Variants in CSMD1 observed in about 807,000 individuals in gnomAD.
CSMD1 encodes CUB and sushi domain-containing protein 1.
A neutral mutation model predicts 417.5 loss-of-function variants in CSMD1; 213 were observed. That is an observed-to-expected ratio of 0.51 (90% CI 0.46 to 0.57). CSMD1 has a LOEUF of 0.57. Ranked by LOEUF, CSMD1 falls within the 20% of genes least tolerant of loss-of-function variation. CSMD1 has a pLI of 0.00. For synonymous variants in CSMD1, 2,862 were observed against 1,736.8 expected (o/e 1.65, Z -16.11); for missense variants, 6,923 against 4,529.7 (o/e 1.53, Z -15.17).
chr8:4,455,235 T>C (rs1461813801), intron 2 of CSMD1, among the ~76,000 whole-genome samples: 1 of 152,136 alleles, frequency 6.6e-6, no homozygotes, highest in Non-Finnish European at 1.5e-5. Context: ...CTCTAAAATA[T>C]TTGTTGGCCT....
chr8:4,471,450 C>A (rs939236319), intron 2 of CSMD1, among the ~76,000 whole-genome samples: 1 of 152,046 alleles, frequency 6.6e-6, no homozygotes, highest in Non-Finnish European at 1.5e-5. Context: ...CAGCAAGCCT[C>A]TCGACAAAAT....
intron 1 of CSMD1, among the ~76,000 whole-genome samples, chr8:4,783,900 C>T (rs750640863): frequency 4.6e-5 from 7 of 152,152 alleles, no homozygotes; most frequent in Non-Finnish European, 7.3e-5. Context: ...TATTTCCACA[C>T]ACTGAATTTG....
At chr8:4,103,105 G>A (rs1432277474) in intron 3 of CSMD1, among the ~76,000 whole-genome samples, 2 of 152,078 alleles carry the variant, frequency 1.3e-5, no homozygotes, top group East Asian at 3.8e-4. Flanking sequence ...CTATAAAGTG[G>A]ATTCTATCTC....
chr8:3,952,595 G>T (rs1210919868), intron 5 of CSMD1, among the ~76,000 whole-genome samples: 1 of 152,176 alleles, frequency 6.6e-6, no homozygotes, highest in Non-Finnish European at 1.5e-5. Flanking sequence ...CCAAGAGACA[G>T]GGAGAGAGGA....
intron 7 of CSMD1, among the ~76,000 whole-genome samples, chr8:3,624,148 A>C (rs1796386788): frequency 6.6e-6 from 1 of 152,192 alleles, no homozygotes; most frequent in Non-Finnish European, 1.5e-5. Context: ...AATAATAAAA[A>C]TACACTGAGC....
At chr8:4,952,296 T>C (rs1387682514) in intron 1 of CSMD1, among the ~76,000 whole-genome samples, 1 of 151,862 alleles carries the variant, frequency 6.6e-6, no homozygotes, top group African/African-American at 2.4e-5. Context: ...AATATTATAA[T>C]CAAGTTAATT....
chr8:4,793,038 T>C (rs938978153), intron 1 of CSMD1, among the ~76,000 whole-genome samples: 1 of 151,860 alleles, frequency 6.6e-6, no homozygotes, highest in African/African-American at 2.4e-5. Context: ...CATTAAGCCA[T>C]TGCATAATTT....
Position 4,229,755 on chromosome 8 carries a change from A to G in CSMD1, c.415+190198T>C, listed in dbSNP as rs371632190. On this transcript the variant is annotated intron_variant, in intron 3 of 69. Coordinates refer to ENST00000635120, the MANE Select transcript of CSMD1 (RefSeq NM_033225.6). ...CTCTGCCGTCCTGCTTCTACATAGC[A>G]TATCACAATGCGACCCACTAAGTGT... Among the ~76,000 whole-genome samples the G allele has an allele frequency of 1.2e-4, 18 of 152,192 alleles. No homozygotes were observed. The East Asian group carries it at 2.3e-3, about 20-fold the overall frequency.
chr8:4,812,389 C>T (rs1335742973), intron 1 of CSMD1, among the ~76,000 whole-genome samples: 4 of 152,160 alleles, frequency 2.6e-5, no homozygotes, highest in African/African-American at 4.8e-5. Flanking sequence ...ATAAATTCTA[C>T]TGCTCTATAG....
chr8:4,425,096 C>G (rs980238), intron 2 of CSMD1, among the ~76,000 whole-genome samples: 3 of 151,768 alleles, frequency 2.0e-5, no homozygotes, highest in Admixed American at 6.6e-5. Flanking sequence ...ATATATTCGC[C>G]TAAGTTAGGT....
At chr8:3,926,802 G>A (rs1334254672) in intron 5 of CSMD1, among the ~76,000 whole-genome samples, 2 of 138,108 alleles carry the variant, frequency 1.4e-5, no homozygotes, top group African/African-American at 5.6e-5. Flanking sequence ...TGCAACCTCT[G>A]CCTCCCGGGT....
chr8:4,558,652 A>G (rs994671736), intron 2 of CSMD1, among the ~76,000 whole-genome samples: 1 of 152,160 alleles, frequency 6.6e-6, no homozygotes, highest in African/African-American at 2.4e-5. Context: ...GGATCATCTG[A>G]GGTCAGGAGT....
At chr8:3,528,325 C>G (rs1054278198) in intron 10 of CSMD1, among the ~76,000 whole-genome samples, 1 of 152,114 alleles carries the variant, frequency 6.6e-6, no homozygotes, top group South Asian at 2.1e-4. Flanking sequence ...AAATTCTTCC[C>G]CTCTCTATTT....
intron 3 of CSMD1, among the ~76,000 whole-genome samples, chr8:4,166,920 G>A (rs1165799841): frequency 6.6e-6 from 1 of 152,164 alleles, no homozygotes. Context: ...TGAATGCTCA[G>A]CAGCCAGGTG....
chr8:3,307,799 A>G lies in CSMD1; in HGVS notation c.3846T>C (p.His1282=). The change falls in exon 25 of 70, where the codon CAT becomes CAC. Residue 1282 remains histidine, a synonymous_variant. Transcript: ENST00000635120. The stretch of plus-strand genomic sequence containing the variant: ...ACAATATTCGTCCTGATGTGGCTGC[A>G]TGGATCTGACCACCACATTCCGCTG... The part of the protein sequence containing the change: ...SCIAECGGQI[H]AATSGRILSP... 3 of 1,613,566 alleles carry G rather than the reference A, an allele frequency of 1.9e-6. No homozygotes were observed. Among genetic ancestry groups the G allele is most frequent in the Non-Finnish European group, 2.5e-6 (3 of 1,179,586 alleles).
At position 4,170,195 on chromosome 8, in the gene CSMD1, T is replaced by C. The variant is rs144749957; in HGVS notation, c.416-138096A>G. 2.0e-3 allele frequency among the ~76,000 whole-genome samples: 298 copies of C among 151,924 alleles called. 5 individuals are homozygous for C. In the East Asian group the frequency reaches 0.052, roughly 27 times the overall value. ...TGAAGGACCTTTCACAGTCCACGCG[T>C]TTCTCTCTGCAGAACTAGCTGTTAT... On this transcript the variant is annotated intron_variant, in intron 3 of 69. Coordinates refer to ENST00000635120, the MANE Select transcript of CSMD1 (RefSeq NM_033225.6).
At chr8:3,948,072 G>A (rs1417693485) in intron 5 of CSMD1, among the ~76,000 whole-genome samples, 2 of 152,098 alleles carry the variant, frequency 1.3e-5, no homozygotes, top group African/African-American at 2.4e-5. Flanking sequence ...TGGGCATGGT[G>A]GCAAGTGCCT....
chr8:3,240,648 G>T (rs1450420004), intron 26 of CSMD1, among the ~76,000 whole-genome samples: 1 of 152,116 alleles, frequency 6.6e-6, no homozygotes, highest in Admixed American at 6.5e-5. Context: ...AAGAGAAAGT[G>T]AAGAGAGGCT....
intron 1 of CSMD1, among the ~76,000 whole-genome samples, chr8:4,904,266 G>C (rs889529968): frequency 6.6e-6 from 1 of 152,126 alleles, no homozygotes; most frequent in African/African-American, 2.4e-5. Flanking sequence ...CTTAACTGTG[G>C]ATTTTAGGAA....
Sources: allele counts gnomAD v4.1 joint callset (sites outside exome capture counted in the v4.1 genomes callset), GRCh38; gene constraint gnomAD v4.1.1; transcripts MANE v1.5; gene names NCBI Gene and HGNC (gene_info 2026-07-23, HGNC 2026-07-21).